Variants in ASCL5 observed in about 807,000 individuals in gnomAD.
The protein encoded by ASCL5 is achaete-scute homolog 5.
For synonymous variants in ASCL5, 124 were observed against 131.5 expected (o/e 0.94, Z 0.39); for missense variants, 262 against 268.9 (o/e 0.97, Z 0.18).
intron 1 of ASCL5, among the ~76,000 whole-genome samples, chr1:201,123,475 C>T (rs571971793): frequency 6.6e-6 from 1 of 152,314 alleles, no homozygotes; most frequent in South Asian, 2.1e-4. Context: ...ACAAAACTCT[C>T]ATTACAGCCT....
chr1:201,126,837 C>T (rs534200677), intron 1 of ASCL5, among the ~76,000 whole-genome samples: 5 of 152,352 alleles, frequency 3.3e-5, no homozygotes, highest in East Asian at 1.9e-4. Context: ...GGAAAATGCC[C>T]GCTCAGTGGC....
intron 1 of ASCL5, among the ~76,000 whole-genome samples, chr1:201,121,330 T>G (rs1206348658): frequency 6.6e-6 from 1 of 152,210 alleles, no homozygotes; most frequent in Non-Finnish European, 1.5e-5. Flanking sequence ...AAATAGGGGC[T>G]GGTGTGTGGC....
At chr1:201,117,334 G>A (rs1273867598) in intron 1 of ASCL5, among the ~76,000 whole-genome samples, 1 of 152,054 alleles carries the variant, frequency 6.6e-6, no homozygotes, top group East Asian at 1.9e-4. Flanking sequence ...TAATTGGGAG[G>A]CTGAGACAGA....
At chr1:201,118,134 C>G (rs537991847) in intron 1 of ASCL5, among the ~76,000 whole-genome samples, 113 of 152,120 alleles carry the variant, frequency 7.4e-4, no homozygotes, top group Non-Finnish European at 1.2e-3. Context: ...AAACAAGAAA[C>G]TTCACAGCAG....
At chr1:201,121,681 G>A (rs1208561704) in intron 1 of ASCL5, among the ~76,000 whole-genome samples, 2 of 151,950 alleles carry the variant, frequency 1.3e-5, no homozygotes, top group Non-Finnish European at 2.9e-5. Context: ...AATAAAAACG[G>A]TTAACTGGAT....
At chr1:201,123,084 C>G (rs563881802) in intron 1 of ASCL5, among the ~76,000 whole-genome samples, 1 of 152,142 alleles carries the variant, frequency 6.6e-6, no homozygotes, top group East Asian at 1.9e-4. Flanking sequence ...AAGCCCAGGA[C>G]GGCAGGTGCC....
chr1:201,125,584 G>A lies in ASCL5; in HGVS notation c.-506+1500C>T, dbSNP rs115269646. Among the ~76,000 whole-genome samples, 190 of 152,090 alleles carry A rather than the reference G, an allele frequency of 1.2e-3. 1 individual carries two copies. Among genetic ancestry groups the A allele is most frequent in the South Asian group, 3.8e-3 (18 of 4,782 alleles). ...TCCCTGAATCCTAAAGCCTTGGTGC[G>A]TTGCTCTCAGTGGTCATAGTTCATT... On this transcript the variant is annotated intron_variant, in intron 1 of 1. Transcript: ENST00000449188.
intron 1 of ASCL5, among the ~76,000 whole-genome samples, chr1:201,118,560 T>C (rs1362179351): frequency 1.3e-5 from 2 of 151,972 alleles, no homozygotes; most frequent in Non-Finnish European, 2.9e-5. Flanking sequence ...GCAAGGGAAT[T>C]GTGTTCTGCA....
At chr1:201,126,695 G>A (rs1572087281) in intron 1 of ASCL5, among the ~76,000 whole-genome samples, 1 of 152,176 alleles carries the variant, frequency 6.6e-6, no homozygotes, top group East Asian at 1.9e-4. Flanking sequence ...TGGAGCTAGG[G>A]TGTGAGCCCG....
chr1:201,123,533 A>C (rs897706957), intron 1 of ASCL5, among the ~76,000 whole-genome samples: 4 of 152,256 alleles, frequency 2.6e-5, no homozygotes, highest in Non-Finnish European at 5.9e-5. Flanking sequence ...TGAGAAGAAC[A>C]AGGCAAAGAG....
chr1:201,114,710 C>T lies in ASCL5; in HGVS notation c.*42G>A, dbSNP rs566670088. ...CGCTGCTCCCGAAAGTGGGACGGGG[C>T]CGGCGGATCATCCTCCAAGCCGGGG... On this transcript the variant is annotated 3_prime_UTR_variant, in exon 2 of 2. Coordinates refer to ENST00000449188, the MANE Select transcript of ASCL5 (RefSeq NM_001270601.2). 22 of 1,229,198 alleles carry T rather than the reference C, an allele frequency of 1.8e-5. No homozygotes were observed. The African/African-American group carries it at 3.3e-4, about 18-fold the overall frequency. 76.1% of individuals were successfully genotyped at this position (1,229,198 alleles called of 1,614,324 possible). A position where few individuals can be genotyped will look rare whatever the true frequency, so the allele number is the denominator to read the frequency against.
chr1:201,122,695 G>A (rs1663508541), intron 1 of ASCL5, among the ~76,000 whole-genome samples: 4 of 152,268 alleles, frequency 2.6e-5, no homozygotes, highest in South Asian at 4.1e-4. Context: ...GAGGAATTTA[G>A]TCCTTCCCAG....
At chr1:201,122,724 G>T (rs954514615) in intron 1 of ASCL5, among the ~76,000 whole-genome samples, 8 of 152,112 alleles carry the variant, frequency 5.3e-5, no homozygotes, top group Admixed American at 1.3e-4. Flanking sequence ...ATATAACCAG[G>T]CATTTGCAAT....
chr1:201,115,492 ACTT>A lies in ASCL5; in HGVS notation c.-123_-121del. 3 of 805,684 alleles carry A rather than the reference ACTT, an allele frequency of 3.7e-6. No homozygotes were observed. The highest frequency in any genetic ancestry group is 5.0e-6 in the Non-Finnish European group (3 of 599,836). 49.9% of individuals were successfully genotyped at this position (805,684 alleles called of 1,614,324 possible). A position where few individuals can be genotyped will look rare whatever the true frequency, so the allele number is the denominator to read the frequency against. On this transcript the variant is annotated 5_prime_UTR_variant, in exon 2 of 2. Transcript: ENST00000449188. ...CTAGCAGCAGCTCTTGGGTACCAGG[ACTT>A]GCTAGGGCCTCTTTTCGCCCTTTAG...
At position 201,114,411 on chromosome 1, in the gene ASCL5, C is replaced by A. The variant is rs1572082981; in HGVS notation, c.*341G>T. On this transcript the variant is annotated 3_prime_UTR_variant, in exon 2 of 2. Transcript: ENST00000449188. Reference sequence around the variant, plus strand: ...TGCGGCAAGGAAGGACGGAGCAGAGCCACCTGAGGCCGAGCGGGAGCCAGA... The same window carrying A: ...TGCGGCAAGGAAGGACGGAGCAGAGACACCTGAGGCCGAGCGGGAGCCAGA... 4.6e-6 allele frequency: 1 copy of A among 215,196 alleles called. No homozygotes were observed. Among genetic ancestry groups the A allele is most frequent in the Non-Finnish European group, 9.1e-6 (1 of 109,422 alleles). The allele number at this position is 215,196 out of a possible 1,614,324, so 13.3% of individuals were successfully genotyped here.
In ASCL5 at chr1:201,115,395, A is replaced by G; in HGVS notation, c.-23T>C. The G allele has an allele frequency of 8.1e-7, 1 of 1,231,458 alleles. No homozygotes were observed. Among genetic ancestry groups the G allele is most frequent in the Non-Finnish European group, 1.0e-6 (1 of 987,776 alleles). 76.3% of individuals were successfully genotyped at this position (1,231,458 alleles called of 1,614,324 possible). Reference sequence around the variant, plus strand: ...CATGGTGCCGCGTGGAGCTGGACCCAGAGCGAGGCCTCCACCGAATGGCCC... The same window carrying G: ...CATGGTGCCGCGTGGAGCTGGACCCGGAGCGAGGCCTCCACCGAATGGCCC... On this transcript the variant is annotated 5_prime_UTR_variant, in exon 2 of 2. Transcript: ENST00000449188.
chr1:201,119,481 C>T (rs1027143469), intron 1 of ASCL5, among the ~76,000 whole-genome samples: 1 of 152,110 alleles, frequency 6.6e-6, no homozygotes, highest in Admixed American at 6.5e-5. Flanking sequence ...CCACGGGTGT[C>T]GAAGTCATCA....
In ASCL5 at chr1:201,115,124, G is replaced by A. The variant is rs1663311529; in HGVS notation, c.249C>T (p.Ala83=). ...FGVYEYPFEP[A]FIQKRNERER... ...CGCGCTCGTTGCGCTTCTGGATGAAGGCTGGCTCGAAGGGGTATTCGTAGA... is the reference window on the plus strand; with the variant it reads ...CGCGCTCGTTGCGCTTCTGGATGAAAGCTGGCTCGAAGGGGTATTCGTAGA... The change falls in exon 2 of 2, where the codon GCC becomes GCT. Residue 83 remains alanine, a synonymous_variant. Coordinates refer to ENST00000449188, the MANE Select transcript of ASCL5 (RefSeq NM_001270601.2). The A allele has an allele frequency of 2.4e-6, 3 of 1,231,680 alleles. No individual in the cohort carries two copies. The allele number at this position is 1,231,680 out of a possible 1,614,324, so 76.3% of individuals were successfully genotyped here. A position where few individuals can be genotyped will look rare whatever the true frequency, so the allele number is the denominator to read the frequency against.
intron 1 of ASCL5, 106 bp downstream of exon 1, chr1:201,126,973 AGCCCT>A (rs10571735): frequency 0.27 from 41,325 of 151,892 alleles, 5,812 homozygotes; most frequent in East Asian, 0.49. Context: ...GGGGTGACTA[AGCCCT>A]GAGTAAACAG....
Sources: allele counts gnomAD v4.1 joint callset (sites outside exome capture counted in the v4.1 genomes callset), GRCh38; gene constraint gnomAD v4.1.1; transcripts MANE v1.5; gene names NCBI Gene and HGNC (gene_info 2026-07-23, HGNC 2026-07-21).